The following GUCY1A2 variants were observed in gnomAD, a reference collection of about 807,000 sequenced individuals.
GUCY1A2 encodes guanylate cyclase 1 soluble subunit alpha 2.
Under a neutral mutation model 63.5 loss-of-function variants are expected in GUCY1A2, and 27 were observed. The ratio of observed to expected loss-of-function variants is 0.43; its 90% CI spans 0.31 to 0.59. The LOEUF is 0.59. Ranked by LOEUF, GUCY1A2 falls within the 20% of genes least tolerant of loss-of-function variation. The pLI, the probability that GUCY1A2 is intolerant of heterozygous loss-of-function variation, is 0.11. For missense variants in GUCY1A2, 768 were observed against 913.3 expected (o/e 0.84, Z 2.05); for synonymous variants, 364 against 343.5 (o/e 1.06, Z -0.66).
Position 106,810,226 on chromosome 11 carries a change from T to C in GUCY1A2, c.1459A>G (p.Lys487Glu). 1.9e-6 allele frequency: 3 copies of C among 1,613,996 alleles called. No individual in the cohort carries two copies. Among genetic ancestry groups the C allele is most frequent in the Non-Finnish European group, 2.5e-6 (3 of 1,179,924 alleles). ...ERTHQALEEE[K>E]KKTVDLLYSI... ...TATAGAAGATCCACTGTCTTCTTTTTCTCTTCTTCCAGGGCCTGGTGAGTT... is the reference window on the plus strand; with the variant it reads ...TATAGAAGATCCACTGTCTTCTTTTCCTCTTCTTCCAGGGCCTGGTGAGTT... The change falls in exon 5 of 8, where the codon AAA (lysine) becomes GAA (glutamate). Residue 487 changes from lysine to glutamate, a missense_variant. By Grantham distance (56) the Lys-to-Glu change is moderately conservative. Around this residue, in one of 3 missense-constraint regions of GUCY1A2, gnomAD observed 122 missense variants for 238.1 expected, o/e 0.51. Coordinates refer to ENST00000526355, the MANE Select transcript of GUCY1A2 (RefSeq NM_000855.3).
At chr11:106,785,517 G>A (rs61905191) in intron 5 of GUCY1A2, among the ~76,000 whole-genome samples, 3,427 of 151,342 alleles carry the variant, frequency 0.023, 65 homozygotes, top group Middle Eastern at 0.054. Flanking sequence ...ACTCCTCTCC[G>A]CCTACTAGAT....
intron 1 of GUCY1A2, among the ~76,000 whole-genome samples, chr11:107,003,046 GT>G (rs202233384): frequency 2.6e-5 from 4 of 151,182 alleles, no homozygotes; most frequent in East Asian, 1.9e-4. Flanking sequence ...TCCATCTCCA[GT>G]TTTTTTTTAC....
rs1862443386 is a variant in GUCY1A2, at chr11:106,682,164, AAAG to A, written c.*5382_*5384del. 2 of 211,170 alleles carry A rather than the reference AAAG, an allele frequency of 9.5e-6. No individual in the cohort carries two copies. The highest frequency in any genetic ancestry group is 3.9e-4 in the South Asian group (2 of 5,074). The allele number at this position is 211,170 out of a possible 1,614,324, so 13.1% of individuals were successfully genotyped here. On this transcript the variant is annotated 3_prime_UTR_variant, in exon 8 of 8. Coordinates refer to ENST00000526355, the MANE Select transcript of GUCY1A2 (RefSeq NM_000855.3). ...TCTAAGTTTGAAGATTCATGCTCAGAAAGAAGACCACAAATTGGAAATCAAAGC... is the reference window on the plus strand; with the variant it reads ...TCTAAGTTTGAAGATTCATGCTCAGAAAGACCACAAATTGGAAATCAAAGC...
intron 4 of GUCY1A2, among the ~76,000 whole-genome samples, chr11:106,881,205 T>C (rs1859818676): frequency 6.6e-6 from 1 of 152,008 alleles, no homozygotes; most frequent in Non-Finnish European, 1.5e-5. Flanking sequence ...CTATAATAAC[T>C]TTATATAAAT....
chr11:106,987,545 G>A (rs983108513), intron 1 of GUCY1A2, among the ~76,000 whole-genome samples: 2 of 152,000 alleles, frequency 1.3e-5, no homozygotes, highest in Admixed American at 1.3e-4. Context: ...CCAGCTGCCT[G>A]GGAGGCTGAG....
chr11:106,732,321 C>T (rs12788814), intron 6 of GUCY1A2, among the ~76,000 whole-genome samples: 5,173 of 152,110 alleles, frequency 0.034, 104 homozygotes, highest in African/African-American at 0.047. Context: ...ACTGGCTAGC[C>T]ATATGCAGAA....
chr11:106,957,334 C>T (rs1396902843), intron 3 of GUCY1A2, among the ~76,000 whole-genome samples: 1 of 152,006 alleles, frequency 6.6e-6, no homozygotes, highest in African/African-American at 2.4e-5. Context: ...CCAGCAACCC[C>T]CACTTCCTGA....
At chr11:106,728,134 C>T (rs887313062) in intron 6 of GUCY1A2, among the ~76,000 whole-genome samples, 1 of 152,140 alleles carries the variant, frequency 6.6e-6, no homozygotes, top group Admixed American at 6.6e-5. Context: ...TACTAAATTC[C>T]CCAAATAATT....
chr11:106,675,564 T>G lies in GUCY1A2; in HGVS notation c.*11985A>C, dbSNP rs1355518870. On this transcript the variant is annotated 3_prime_UTR_variant, in exon 8 of 8. Coordinates refer to ENST00000526355, the MANE Select transcript of GUCY1A2 (RefSeq NM_000855.3). The stretch of plus-strand genomic sequence containing the variant: ...AAATGGGACTGTGGATTACAACTGT[T>G]CAAATTTCATCTTAATTTCTTCTAT... The G allele has an allele frequency of 1.0e-5, 2 of 194,336 alleles. No individual in the cohort carries two copies. The highest frequency in any genetic ancestry group is 4.6e-5 in the African/African-American group (2 of 43,114). The allele number at this position is 194,336 out of a possible 1,614,324, so 12.0% of individuals were successfully genotyped here.
At chr11:106,753,195 C>T (rs949149911) in intron 6 of GUCY1A2, among the ~76,000 whole-genome samples, 2 of 152,142 alleles carry the variant, frequency 1.3e-5, no homozygotes, top group African/African-American at 4.8e-5. Flanking sequence ...ATATCCTTTG[C>T]CTACTTTTTG....
chr11:106,709,192 A>G (rs565510941), intron 6 of GUCY1A2, among the ~76,000 whole-genome samples: 4 of 127,906 alleles, frequency 3.1e-5, no homozygotes, highest in Non-Finnish European at 4.7e-5. Flanking sequence ...ATATATAACT[A>G]TATATAATAT....
chr11:106,868,612 C>T, intron 4 of GUCY1A2, among the ~76,000 whole-genome samples: 1 of 152,082 alleles, frequency 6.6e-6, no homozygotes, highest in Non-Finnish European at 1.5e-5. Context: ...AAAGAGGACA[C>T]AAACAAATGG....
chr11:106,788,808 T>G (rs962593876), intron 5 of GUCY1A2, among the ~76,000 whole-genome samples: 1 of 152,242 alleles, frequency 6.6e-6, no homozygotes, highest in Non-Finnish European at 1.5e-5. Context: ...ACTATAGCTC[T>G]GTAGTATAAT....
At chr11:106,760,649 T>A (rs914125809) in intron 6 of GUCY1A2, among the ~76,000 whole-genome samples, 8 of 152,154 alleles carry the variant, frequency 5.3e-5, no homozygotes, top group Non-Finnish European at 7.4e-5. Context: ...CCACTATTTT[T>A]AAAGATCTGG....
chr11:106,982,391 G>C (rs983179641), intron 2 of GUCY1A2, among the ~76,000 whole-genome samples: 3 of 152,088 alleles, frequency 2.0e-5, no homozygotes, highest in Admixed American at 6.6e-5. Flanking sequence ...CAGAAAGTTA[G>C]TCCATTCCCT....
chr11:106,996,227 T>TA (rs1300832803), intron 1 of GUCY1A2, among the ~76,000 whole-genome samples: 1 of 152,104 alleles, frequency 6.6e-6, no homozygotes, highest in Non-Finnish European at 1.5e-5. Flanking sequence ...GTGGTAAAAT[T>TA]AGAGATGGCA....
Position 106,781,041 on chromosome 11 carries a change from A to T in GUCY1A2, c.1693-4459T>A, listed in dbSNP as rs533080820. Among the ~76,000 whole-genome samples, 5 of 149,154 alleles carry T rather than the reference A, an allele frequency of 3.4e-5. No homozygotes were observed. In the East Asian group the frequency reaches 5.9e-4, roughly 18 times the overall value. ...GGAAAAGTGAAAGTGTCATGTATCA[A>T]TTCCATTGCTCCTGAGTTTATTTCC... On this transcript the variant is annotated intron_variant, in intron 5 of 7. Transcript: ENST00000526355.
At chr11:106,799,586 A>G (rs1864832245) in intron 5 of GUCY1A2, among the ~76,000 whole-genome samples, 1 of 152,190 alleles carries the variant, frequency 6.6e-6, no homozygotes, top group South Asian at 2.1e-4. Flanking sequence ...AAATAATACC[A>G]CACATCTACA....
At chr11:106,906,562 T>A (rs1310902867) in intron 4 of GUCY1A2, among the ~76,000 whole-genome samples, 2 of 152,124 alleles carry the variant, frequency 1.3e-5, no homozygotes, top group Non-Finnish European at 2.9e-5. Context: ...GAAATACCAT[T>A]TGACCCAGAA....
Sources: gnomAD v4.1 joint callset for allele counts (sites outside exome capture counted in the v4.1 genomes callset) on GRCh38, gnomAD v4.1.1 for gene constraint, gnomAD v4.1.1 regional missense constraint, MANE v1.5 for transcripts, NCBI Gene and HGNC (gene_info 2026-07-23, HGNC 2026-07-21) for gene names.